WWOX: variants seen among roughly 807,000 people sequenced by gnomAD.
WWOX encodes the protein WW domain-containing oxidoreductase.
A neutral mutation model predicts 46.2 loss-of-function variants in WWOX; 69 were observed. The observed-to-expected ratio is 1.49, with a 90% CI of 1.23 to 1.82. WWOX has a LOEUF of 1.82. WWOX is among the 40% of genes most tolerant of loss of function. The probability of loss-of-function intolerance (pLI) is 0.00; values close to 1 mark genes in which losing one functional copy is unlikely to be tolerated. For synonymous variants in WWOX, 359 were observed against 202.6 expected (o/e 1.77, Z -6.56); for missense variants, 919 against 542.6 (o/e 1.69, Z -6.89).
chr16:79,187,749 C>T (rs2051046634), intron 8 of WWOX, among the ~76,000 whole-genome samples: 1 of 152,196 alleles, frequency 6.6e-6, no homozygotes, highest in Non-Finnish European at 1.5e-5. Flanking sequence ...ACTATGTTGG[C>T]CAGGCTGGTC....
Position 78,955,154 on chromosome 16 carries a change from CT to C in WWOX, c.1057-256453del, listed in dbSNP as rs376435040. ...TGGCCCACAGGAAAAGGAAACTTTG[CT>C]GTTAGGGTCACCTGGAGGAGAGACT... On this transcript the variant is annotated intron_variant, in intron 8 of 8. Coordinates refer to ENST00000566780, the MANE Select transcript of WWOX (RefSeq NM_016373.4). Among the ~76,000 whole-genome samples the C allele has an allele frequency of 1.7e-3, 258 of 152,268 alleles. 2 individuals are homozygous for C. The highest frequency in any genetic ancestry group is 5.6e-3 in the African/African-American group (234 of 41,538).
At position 78,651,850 on chromosome 16, in the gene WWOX, G is replaced by A. The variant is rs185745034; in HGVS notation, c.1056+219098G>A. ...TGGACTCATGCCTTATTCTTTCGGA[G>A]CCTTAGTTTTGTCATGTGTAGAATG... On this transcript the variant is annotated intron_variant, in intron 8 of 8. Coordinates refer to ENST00000566780, the MANE Select transcript of WWOX (RefSeq NM_016373.4). Among the ~76,000 whole-genome samples, 40 of 152,318 alleles carry A rather than the reference G, an allele frequency of 2.6e-4. No individual in the cohort carries two copies. The East Asian group carries it at 7.2e-3, about 27-fold the overall frequency.
intron 8 of WWOX, among the ~76,000 whole-genome samples, chr16:79,074,775 G>A (rs1448436705): frequency 6.6e-6 from 1 of 152,012 alleles, no homozygotes; most frequent in African/African-American, 2.4e-5. Flanking sequence ...AAAATAGCAA[G>A]TTATTTGCAA....
intron 5 of WWOX, among the ~76,000 whole-genome samples, chr16:78,345,604 C>T (rs2081081935): frequency 1.2e-5 from 1 of 84,634 alleles, no homozygotes; most frequent in East Asian, 2.3e-4. Context: ...CCTGTCTCTA[C>T]ACCTCAGTCT....
At chr16:78,135,177 C>G (rs1271852593) in intron 4 of WWOX, among the ~76,000 whole-genome samples, 2 of 152,194 alleles carry the variant, frequency 1.3e-5, no homozygotes, top group African/African-American at 2.4e-5. Context: ...GCAGAGAAAA[C>G]TCACCCACGT....
intron 8 of WWOX, among the ~76,000 whole-genome samples, chr16:78,806,068 A>G (rs947715074): frequency 3.1e-4 from 47 of 152,228 alleles, no homozygotes; most frequent in African/African-American, 1.1e-3. Context: ...TAGCAGTCAA[A>G]GCAATAAATA....
chr16:79,198,921 G>A (rs572889665), intron 8 of WWOX, among the ~76,000 whole-genome samples: 85 of 152,266 alleles, frequency 5.6e-4, no homozygotes, highest in African/African-American at 2.0e-3. Flanking sequence ...TTGTGCTGTG[G>A]ACATGTTCCT....
intron 8 of WWOX, among the ~76,000 whole-genome samples, chr16:78,656,050 G>A (rs148227657): frequency 1.3e-5 from 2 of 152,156 alleles, no homozygotes; most frequent in Non-Finnish European, 2.9e-5. Flanking sequence ...TTGAAATGGG[G>A]GTGTGGGTTA....
At chr16:78,200,040 A>G (rs1233111442) in intron 5 of WWOX, among the ~76,000 whole-genome samples, 3 of 152,224 alleles carry the variant, frequency 2.0e-5, no homozygotes, top group African/African-American at 4.8e-5. Context: ...ATTTTCTTTC[A>G]AAAGCTGTAG....
At chr16:79,114,381 CATATCT>C (rs1217979356) in intron 8 of WWOX, among the ~76,000 whole-genome samples, 1 of 151,170 alleles carries the variant, frequency 6.6e-6, no homozygotes, top group African/African-American at 2.4e-5. Flanking sequence ...TGTGTGCACA[CATATCT>C]ACGTATCTAC....
intron 8 of WWOX, among the ~76,000 whole-genome samples, chr16:78,889,217 A>C (rs2044534161): frequency 6.6e-6 from 1 of 152,152 alleles, no homozygotes; most frequent in Admixed American, 6.5e-5. Context: ...TGTTTCCTTA[A>C]GTAAAATTTT....
At position 79,108,852 on chromosome 16, in the gene WWOX, G is replaced by T. The variant is rs2049360535; in HGVS notation, c.1057-102756G>T. Among the ~76,000 whole-genome samples, 14 of 152,084 alleles carry T rather than the reference G, an allele frequency of 9.2e-5. No homozygotes were observed. In the South Asian group the frequency reaches 2.7e-3, roughly 29 times the overall value. On this transcript the variant is annotated intron_variant, in intron 8 of 8. Transcript: ENST00000566780. ...GGAGGTCGAGACTGCAGTGAGCCAT[G>T]ATCATGCCGCTGCACTCCAGCATAC...
intron 8 of WWOX, among the ~76,000 whole-genome samples, chr16:78,609,431 T>A (rs185875038): frequency 5.3e-5 from 8 of 151,986 alleles, no homozygotes; most frequent in African/African-American, 1.7e-4. Flanking sequence ...TTTAAAGCGA[T>A]AGTCCTATTT....
intron 8 of WWOX, among the ~76,000 whole-genome samples, chr16:78,512,493 G>A (rs1490795471): frequency 2.0e-5 from 3 of 152,024 alleles, no homozygotes; most frequent in East Asian, 3.8e-4. Context: ...TAAATTATTG[G>A]GCAATTAATT....
intron 8 of WWOX, among the ~76,000 whole-genome samples, chr16:78,466,868 T>A (rs529742531): frequency 2.0e-5 from 3 of 151,016 alleles, no homozygotes; most frequent in African/African-American, 7.4e-5. Context: ...GCACAAAAAA[T>A]TTTTTTCTTC....
At chr16:78,830,688 G>T (rs1378352648) in intron 8 of WWOX, among the ~76,000 whole-genome samples, 1 of 151,816 alleles carries the variant, frequency 6.6e-6, no homozygotes, top group Non-Finnish European at 1.5e-5. Flanking sequence ...GACAGGTACG[G>T]CCGTGCAGCT....
Position 78,432,690 on chromosome 16 carries a change from C to A in WWOX, c.994C>A (p.His332Asn). 2 of 1,614,188 alleles carry A rather than the reference C, an allele frequency of 1.2e-6. No individual in the cohort carries two copies. Among genetic ancestry groups the A allele is most frequent in the Non-Finnish European group, 1.7e-6 (2 of 1,180,032 alleles). The change falls in exon 8 of 9, where the codon CAT becomes AAT. Residue 332 changes from histidine to asparagine, a missense_variant. Coordinates refer to ENST00000566780, the MANE Select transcript of WWOX (RefSeq NM_016373.4). ...HPGNMMYSNI[H>N]RSWWVYTLLF... is the part of the protein sequence containing the mutation. The stretch of plus-strand genomic sequence containing the variant: ...TGGAAATATGATGTACTCCAACATT[C>A]ATCGCAGCTGGTGGGTGTACACACT...
chr16:78,600,646 T>A (rs1204645958), intron 8 of WWOX, among the ~76,000 whole-genome samples: 2 of 152,110 alleles, frequency 1.3e-5, no homozygotes, highest in African/African-American at 4.8e-5. Context: ...GAGACTATAA[T>A]CTTCTGGATT....
At chr16:78,586,596 G>T (rs137946271) in intron 8 of WWOX, among the ~76,000 whole-genome samples, 5 of 152,148 alleles carry the variant, frequency 3.3e-5, no homozygotes, top group Non-Finnish European at 1.5e-5. Flanking sequence ...CTCAGATTAA[G>T]AAACTTGCTC....
Sources: allele counts gnomAD v4.1 joint callset (sites outside exome capture counted in the v4.1 genomes callset), GRCh38; gene constraint gnomAD v4.1.1; transcripts MANE v1.5; gene names NCBI Gene and HGNC (gene_info 2026-07-23, HGNC 2026-07-21).